DIAPH3: variants seen among roughly 807,000 people sequenced by gnomAD.
DIAPH3 encodes diaphanous related formin 3.
Under a neutral mutation model 144.3 loss-of-function variants are expected in DIAPH3, and 117 were observed. That is an observed-to-expected ratio of 0.81 (90% CI 0.70 to 0.95). DIAPH3 has a LOEUF of 0.95. DIAPH3 is among the 40% of genes least tolerant of loss of function. The probability of loss-of-function intolerance (pLI) is 0.00; values close to 1 mark genes in which losing one functional copy is unlikely to be tolerated. For synonymous variants in DIAPH3, 519 were observed against 488.9 expected (o/e 1.06, Z -0.81); for missense variants, 1,421 against 1,412.7 (o/e 1.01, Z -0.09).
intron 25 of DIAPH3, among the ~76,000 whole-genome samples, chr13:59,797,152 G>T (rs1296522803): frequency 6.6e-6 from 1 of 151,894 alleles, no homozygotes; most frequent in Admixed American, 6.6e-5. Flanking sequence ...TATGTAAAAT[G>T]TCACTCCTTC....
At chr13:60,041,413 G>A (rs931777623) in intron 5 of DIAPH3, among the ~76,000 whole-genome samples, 5 of 152,190 alleles carry the variant, frequency 3.3e-5, no homozygotes, top group Non-Finnish European at 7.3e-5. Flanking sequence ...CAGTCTAGAG[G>A]ACAGACTGGA....
At chr13:60,085,834 T>C (rs923908008) in intron 4 of DIAPH3, among the ~76,000 whole-genome samples, 1 of 152,126 alleles carries the variant, frequency 6.6e-6, no homozygotes, top group Non-Finnish European at 1.5e-5. Context: ...TCTGACATGG[T>C]AAGTTTTTAA....
intron 25 of DIAPH3, among the ~76,000 whole-genome samples, chr13:59,805,744 A>G (rs1241401527): frequency 6.6e-6 from 1 of 152,046 alleles, no homozygotes; most frequent in Non-Finnish European, 1.5e-5. Context: ...TAACATGAAA[A>G]TAGGAGACTG....
chr13:60,095,355 A>G (rs529645150), intron 3 of DIAPH3, among the ~76,000 whole-genome samples: 25 of 152,328 alleles, frequency 1.6e-4, no homozygotes, highest in Middle Eastern at 3.4e-3. Flanking sequence ...CAGTGTGCTC[A>G]GAGTCAGCAA....
At chr13:59,681,819 G>T (rs1031916421) in intron 27 of DIAPH3, among the ~76,000 whole-genome samples, 1 of 152,152 alleles carries the variant, frequency 6.6e-6, no homozygotes, top group Non-Finnish European at 1.5e-5. Context: ...GCAAGTTAGG[G>T]TGGAGCTCTG....
chr13:59,825,366 T>C (rs1232554456), intron 24 of DIAPH3, among the ~76,000 whole-genome samples: 2 of 152,196 alleles, frequency 1.3e-5, no homozygotes, highest in East Asian at 3.9e-4. Flanking sequence ...GGATATGAAC[T>C]CATCATTTTT....
At chr13:59,845,502 C>T (rs1048084377) in intron 22 of DIAPH3, among the ~76,000 whole-genome samples, 3 of 152,132 alleles carry the variant, frequency 2.0e-5, no homozygotes, top group Non-Finnish European at 4.4e-5. Context: ...AAACTGGTTA[C>T]ATAACATCTG....
chr13:59,839,365 G>A lies in DIAPH3; in HGVS notation c.2821C>T (p.Pro941Ser). 1.9e-6 allele frequency: 3 copies of A among 1,613,616 alleles called. No homozygotes were observed. The South Asian group carries it at 3.3e-5, about 18-fold the overall frequency. The stretch of plus-strand genomic sequence containing the variant: ...AACTTGTCATGCAAGTCCTCAGGAG[G>A]GGGAAAGGTTTCCAATTCCTTCTCA... Reference protein sequence around the residue: ...QLEKELETFPPPEDLHDKFVT... With the variant: ...QLEKELETFPSPEDLHDKFVT... The change falls in exon 23 of 28, where the codon CCT becomes TCT. Residue 941 changes from proline to serine, a missense_variant. Physicochemically the swap from Pro to Ser is moderately conservative, Grantham distance 74. Coordinates refer to ENST00000400324, the MANE Select transcript of DIAPH3 (RefSeq NM_001042517.2).
intron 17 of DIAPH3, among the ~76,000 whole-genome samples, chr13:59,930,381 A>G (rs2047966587): frequency 6.6e-6 from 1 of 152,204 alleles, no homozygotes; most frequent in South Asian, 2.1e-4. Flanking sequence ...CTACACAAGA[A>G]TAAAGAAGAG....
Position 60,064,215 on chromosome 13 carries a change from T to C in DIAPH3, c.496-21395A>G, listed in dbSNP as rs533701172. On this transcript the variant is annotated intron_variant, in intron 4 of 27. Coordinates refer to ENST00000400324, the MANE Select transcript of DIAPH3 (RefSeq NM_001042517.2). ...GAGCATTGGTTTCAACTTTAAGTTA[T>C]CAGCTGCATTAGCCCCAACAAAGGA... is the stretch of plus-strand genomic sequence containing the variant. Among the ~76,000 whole-genome samples the C allele has an allele frequency of 1.3e-4, 20 of 152,348 alleles. No individual in the cohort carries two copies. The South Asian group carries it at 4.1e-3, about 32-fold the overall frequency.
chr13:60,141,382 C>T (rs905505979), intron 1 of DIAPH3, among the ~76,000 whole-genome samples: 3 of 152,172 alleles, frequency 2.0e-5, no homozygotes, highest in African/African-American at 7.2e-5. Context: ...GACCCAGTCT[C>T]TCCCCTTACA....
chr13:59,847,387 C>A (rs951455169), intron 22 of DIAPH3, among the ~76,000 whole-genome samples: 1 of 152,052 alleles, frequency 6.6e-6, no homozygotes, highest in South Asian at 2.1e-4. Context: ...AATTAAAGGC[C>A]CCCAGTCAAT....
chr13:59,890,098 T>C (rs540452764), intron 20 of DIAPH3, among the ~76,000 whole-genome samples: 8 of 152,176 alleles, frequency 5.3e-5, no homozygotes, highest in African/African-American at 1.9e-4. Flanking sequence ...ACTCTCACCC[T>C]GTAGCAGCTG....
At chr13:59,886,186 C>T (rs1391938610) in intron 20 of DIAPH3, among the ~76,000 whole-genome samples, 1 of 152,056 alleles carries the variant, frequency 6.6e-6, no homozygotes, top group Non-Finnish European at 1.5e-5. Flanking sequence ...TAGGTCCGTA[C>T]TCCATTCCTC....
intron 1 of DIAPH3, among the ~76,000 whole-genome samples, chr13:60,136,896 T>A (rs370914700): frequency 6.6e-6 from 1 of 151,768 alleles, no homozygotes; most frequent in Non-Finnish European, 1.5e-5. Flanking sequence ...GCCGAGATTG[T>A]GCCACTGCAC....
rs1037051466 is a variant in DIAPH3, at chr13:60,003,739, AT to A, written c.1014+4804del. Reference sequence around the variant, plus strand: ...TAGGCACCCACCAACACGCAAGGCAATTTTTTTTTTCTTTGTATTTTTAGTA... The same window carrying A: ...TAGGCACCCACCAACACGCAAGGCAATTTTTTTTTCTTTGTATTTTTAGTA... On this transcript the variant is annotated intron_variant, in intron 9 of 27. Coordinates refer to ENST00000400324, the MANE Select transcript of DIAPH3 (RefSeq NM_001042517.2). 3.5e-4 allele frequency among the ~76,000 whole-genome samples: 52 copies of A among 149,448 alleles called. No individual in the cohort carries two copies. The Middle Eastern group carries it at 0.014, about 40-fold the overall frequency.
chr13:59,803,572 A>G (rs945152678), intron 25 of DIAPH3, among the ~76,000 whole-genome samples: 6 of 152,204 alleles, frequency 3.9e-5, no homozygotes, highest in Non-Finnish European at 8.8e-5. Flanking sequence ...AAAGTTTAAA[A>G]AGAAAGAAAG....
chr13:59,946,776 C>T (rs2048819960), intron 17 of DIAPH3, among the ~76,000 whole-genome samples: 2 of 151,898 alleles, frequency 1.3e-5, no homozygotes, highest in Admixed American at 1.3e-4. Context: ...TTTTTTTTAA[C>T]TATACCACCA....
At chr13:59,751,459 T>C (rs1201821874) in intron 27 of DIAPH3, among the ~76,000 whole-genome samples, 1 of 152,264 alleles carries the variant, frequency 6.6e-6, no homozygotes, top group Non-Finnish European at 1.5e-5. Flanking sequence ...CCTAACTTGA[T>C]TTTTCTATTT....
Sources: gnomAD v4.1 joint callset for allele counts (sites outside exome capture counted in the v4.1 genomes callset) on GRCh38, gnomAD v4.1.1 for gene constraint, MANE v1.5 for transcripts, NCBI Gene and HGNC (gene_info 2026-07-23, HGNC 2026-07-21) for gene names.